Variants in GLRA2 observed in about 807,000 individuals in gnomAD.
The protein encoded by GLRA2 is glycine receptor subunit alpha-2.
Under a neutral mutation model 31.6 loss-of-function variants are expected in GLRA2, and 11 were observed. The ratio of observed to expected loss-of-function variants is 0.35; its 90% confidence interval spans 0.22 to 0.58. The LOEUF is 0.58. Ranked by LOEUF, GLRA2 falls within the 20% of genes least tolerant of loss-of-function variation. The pLI, the probability that GLRA2 is intolerant of heterozygous loss-of-function variation, is 0.84. For synonymous variants in GLRA2, 132 were observed against 134.0 expected (o/e 0.99, Z 0.10); for missense variants, 212 against 351.8 (o/e 0.60, Z 3.18).
intron 2 of GLRA2, among the ~76,000 whole-genome samples, chrX:14,573,322 G>A (rs759008933): frequency 7.2e-5 from 8 of 111,569 alleles, no homozygotes; most frequent in Non-Finnish European, 1.1e-4. Context: ...CACTGCCTTC[G>A]AGGGAGGCCT....
intron 8 of GLRA2, among the ~76,000 whole-genome samples, chrX:14,709,428 G>A (rs1250559255): frequency 8.9e-6 from 1 of 111,846 alleles, no homozygotes; most frequent in Non-Finnish European, 1.9e-5. Context: ...TGGGCCTACA[G>A]ACAAGTTTTC....
chrX:14,528,711 T>C (rs2089213582), upstream of GLRA2, among the ~76,000 whole-genome samples: 1 of 112,197 alleles, frequency 8.9e-6, no homozygotes, highest in South Asian at 3.7e-4. Context: ...GTGATTAACA[T>C]CTGGAATGGG....
chrX:14,629,584 C>A (rs911130444), intron 7 of GLRA2, among the ~76,000 whole-genome samples: 1 of 111,579 alleles, frequency 9.0e-6, no homozygotes, highest in African/African-American at 3.3e-5. Flanking sequence ...TAGACCATTT[C>A]GATTTCCTAT....
At chrX:14,693,562 A>C (rs1356423835) in intron 8 of GLRA2, among the ~76,000 whole-genome samples, 1 of 112,213 alleles carries the variant, frequency 8.9e-6, no homozygotes, top group Non-Finnish European at 1.9e-5. Context: ...GATAGAAAAA[A>C]AGCAGACAGA....
In GLRA2 at chrX:14,617,732, T is replaced by C. The variant is rs757564256; in HGVS notation, c.930+8527T>C. On this transcript the variant is annotated intron_variant, in intron 7 of 8. Transcript: ENST00000218075. ...ATGAGGGTGTCCAGCCACTGCCATGTGGAACAGAGACGATCCATCCCAGAT... is the reference window on the plus strand; with the variant it reads ...ATGAGGGTGTCCAGCCACTGCCATGCGGAACAGAGACGATCCATCCCAGAT... 4.5e-5 allele frequency among the ~76,000 whole-genome samples: 5 copies of C among 111,863 alleles called. No individual in the cohort carries two copies. The South Asian group carries it at 1.9e-3, about 42-fold the overall frequency.
the GLRA2 span, among the ~76,000 whole-genome samples, chrX:14,481,787 AAC>A: frequency 9.1e-6 from 1 of 109,915 alleles, no homozygotes; most frequent in Admixed American, 9.7e-5. Flanking sequence ...ATACAAACAA[AAC>A]ACACATGTAT....
intron 7 of GLRA2, among the ~76,000 whole-genome samples, chrX:14,652,536 T>TA (rs1459099495): frequency 8.9e-6 from 1 of 111,995 alleles, no homozygotes; most frequent in Non-Finnish European, 1.9e-5. Flanking sequence ...CTCTGTGTCA[T>TA]ATTTTAGTAA....
intron 7 of GLRA2, among the ~76,000 whole-genome samples, chrX:14,627,475 A>G (rs371943109): frequency 9.0e-6 from 1 of 111,353 alleles, no homozygotes; most frequent in African/African-American, 3.3e-5. Flanking sequence ...TATCCCTTCA[A>G]CCTTTAAAAT....
At chrX:14,621,337 T>A (rs1031128063) in intron 7 of GLRA2, among the ~76,000 whole-genome samples, 2 of 109,874 alleles carry the variant, frequency 1.8e-5, no homozygotes, top group South Asian at 3.8e-4. Flanking sequence ...ATTTTTTTTT[T>A]AAAACTAAAA....
intron 7 of GLRA2, among the ~76,000 whole-genome samples, chrX:14,613,578 A>T (rs778225028): frequency 8.9e-6 from 1 of 112,059 alleles, no homozygotes; most frequent in East Asian, 2.8e-4. Context: ...TTTAAAGTAT[A>T]TGGGAGGATG....
the GLRA2 span, among the ~76,000 whole-genome samples, chrX:14,455,510 A>G: frequency 2.7e-5 from 3 of 112,013 alleles, no homozygotes; most frequent in South Asian, 1.1e-3. Context: ...ACTAAAAGTG[A>G]TATTTGTTTT....
At chrX:14,537,869 T>C (rs2089346496) in intron 2 of GLRA2, among the ~76,000 whole-genome samples, 3 of 109,064 alleles carry the variant, frequency 2.8e-5, no homozygotes, top group Admixed American at 9.7e-5. Flanking sequence ...ACATATATGA[T>C]AGTTTCATTC....
intron 7 of GLRA2, among the ~76,000 whole-genome samples, chrX:14,673,428 T>C (rs188905481): frequency 4.5e-5 from 5 of 111,958 alleles, no homozygotes; most frequent in African/African-American, 1.6e-4. Flanking sequence ...CATCTGCACA[T>C]AGTCACTTAA....
chrX:14,542,691 A>G (rs2089422295), intron 2 of GLRA2, among the ~76,000 whole-genome samples: 1 of 110,058 alleles, frequency 9.1e-6, no homozygotes, highest in African/African-American at 3.3e-5. Flanking sequence ...GGGGTGCATG[A>G]TTTACCCCTT....
chrX:14,472,231 T>C, the GLRA2 span, among the ~76,000 whole-genome samples: 3 of 112,356 alleles, frequency 2.7e-5, no homozygotes, highest in Non-Finnish European at 5.6e-5. Flanking sequence ...GAGCTATGGA[T>C]ACCTGGCTGG....
intron 2 of GLRA2, among the ~76,000 whole-genome samples, chrX:14,557,474 C>T (rs1473247766): frequency 8.9e-6 from 1 of 111,824 alleles, no homozygotes; most frequent in Non-Finnish European, 1.9e-5. Flanking sequence ...ACATGTGAGA[C>T]TTTTTCATAA....
chrX:14,471,953 G>A, the GLRA2 span, among the ~76,000 whole-genome samples: 4 of 111,796 alleles, frequency 3.6e-5, no homozygotes, highest in Non-Finnish European at 7.5e-5. Flanking sequence ...TGGAGGTTGG[G>A]GTTCTTTTTT....
chrX:14,567,149 TAG>T (rs1423345266), intron 2 of GLRA2, among the ~76,000 whole-genome samples: 1 of 111,444 alleles, frequency 9.0e-6, no homozygotes, highest in East Asian at 2.8e-4. Context: ...GCTAGGTTGA[TAG>T]AGTTTCATTC....
chrX:14,625,175 C>T (rs1034550511), intron 7 of GLRA2, among the ~76,000 whole-genome samples: 10 of 110,527 alleles, frequency 9.0e-5, no homozygotes, highest in Non-Finnish European at 1.7e-4. Context: ...GCAACCCCTG[C>T]TTTTTTTTGT....
Sources: allele counts gnomAD v4.1 joint callset (sites outside exome capture counted in the v4.1 genomes callset), GRCh38; gene constraint gnomAD v4.1.1; transcripts MANE v1.5; gene names NCBI Gene and HGNC (gene_info 2026-07-23, HGNC 2026-07-21).